Variants in CCNY observed in about 807,000 individuals in gnomAD.
CCNY encodes cyclin Y.
A neutral mutation model predicts 42.8 loss-of-function variants in CCNY; 19 were observed. That is an observed-to-expected ratio of 0.44 (90% CI 0.31 to 0.65). The LOEUF (loss-of-function observed/expected upper bound fraction) is 0.65. CCNY is among the 30% of genes least tolerant of loss of function. The pLI, the probability that CCNY is intolerant of heterozygous loss-of-function variation, is 0.07. For missense variants in CCNY, 370 were observed against 437.3 expected, an observed-to-expected ratio of 0.85 and a Z score of 1.37; for synonymous variants, 165 against 162.7, an observed-to-expected ratio of 1.01 and a Z score of -0.11.
intron 1 of CCNY, among the ~76,000 whole-genome samples, chr10:35,414,761 G>A (rs545147686): frequency 3.9e-5 from 6 of 152,270 alleles, no homozygotes; most frequent in African/African-American, 7.2e-5. Flanking sequence ...AGATTTTCAC[G>A]GTGAAGGTGA....
intron 3 of CCNY, among the ~76,000 whole-genome samples, chr10:35,260,458 A>T (rs2095718714): frequency 6.6e-6 from 1 of 152,196 alleles, no homozygotes; most frequent in Non-Finnish European, 1.5e-5. Context: ...TAGTATGTCA[A>T]ATCTGGGACC....
In CCNY at chr10:35,441,949, A is replaced by G. The variant is rs551351356; in HGVS notation, c.155-41455A>G. Among the ~76,000 whole-genome samples, 20 of 152,376 alleles carry G rather than the reference A, an allele frequency of 1.3e-4. No homozygotes were observed. The South Asian group carries it at 3.9e-3, about 30-fold the overall frequency. On this transcript the variant is annotated intron_variant, in intron 1 of 9. Coordinates refer to ENST00000374704, the MANE Select transcript of CCNY (RefSeq NM_145012.6). ...ATTTAAAATGATCATACTTAAGAGAATACCCATTGTTGTAAAGTCTGTATG... is the reference window on the plus strand; with the variant it reads ...ATTTAAAATGATCATACTTAAGAGAGTACCCATTGTTGTAAAGTCTGTATG...
chr10:35,435,858 A>T lies in CCNY; in HGVS notation c.155-47546A>T, dbSNP rs115869371. 5.4e-3 allele frequency among the ~76,000 whole-genome samples: 826 copies of T among 152,324 alleles called. 10 individuals are homozygous for T. The highest frequency in any genetic ancestry group is 0.019 in the African/African-American group (784 of 41,562). On this transcript the variant is annotated intron_variant, in intron 1 of 9. Coordinates refer to ENST00000374704, the MANE Select transcript of CCNY (RefSeq NM_145012.6). ...TTAAATGGGAGAACATCTGGCACAG[A>T]TAATGGCTAAGATGTTTAAGTTCCT...
chr10:35,453,828 A>G (rs1838972078), intron 1 of CCNY, among the ~76,000 whole-genome samples: 1 of 152,180 alleles, frequency 6.6e-6, no homozygotes, highest in Non-Finnish European at 1.5e-5. Flanking sequence ...CAATTTTTAA[A>G]CTAAGACCTA....
chr10:35,527,646 A>G (rs138704380), intron 5 of CCNY, among the ~76,000 whole-genome samples: 3 of 152,366 alleles, frequency 2.0e-5, no homozygotes, highest in Non-Finnish European at 2.9e-5. Context: ...CCATTAATCT[A>G]TTGCTCTCCT....
At chr10:35,382,683 G>A (rs1837214689) in intron 1 of CCNY, among the ~76,000 whole-genome samples, 1 of 152,096 alleles carries the variant, frequency 6.6e-6, no homozygotes, top group African/African-American at 2.4e-5. Flanking sequence ...CAGTAGTGCT[G>A]AGCTTGAGAC....
chr10:35,396,418 G>C (rs556199995), intron 1 of CCNY, among the ~76,000 whole-genome samples: 9 of 152,274 alleles, frequency 5.9e-5, no homozygotes, highest in Admixed American at 4.6e-4. Context: ...AAGGTGGGGT[G>C]GGGGGCAGCC....
intron 3 of CCNY, among the ~76,000 whole-genome samples, chr10:35,258,097 G>T (rs534624896): frequency 9.9e-5 from 15 of 152,234 alleles, no homozygotes; most frequent in Admixed American, 9.2e-4. Flanking sequence ...GGAGGCAGAG[G>T]TTGCAGTGAG....
At chr10:35,540,276 A>G (rs1409147949) in intron 7 of CCNY, among the ~76,000 whole-genome samples, 1 of 152,082 alleles carries the variant, frequency 6.6e-6, no homozygotes, top group Non-Finnish European at 1.5e-5. Context: ...TAGTGTTTTT[A>G]TTTTGAAAGG....
At chr10:35,533,501 A>T (rs1194309840) in intron 7 of CCNY, among the ~76,000 whole-genome samples, 1 of 151,992 alleles carries the variant, frequency 6.6e-6, no homozygotes, top group Non-Finnish European at 1.5e-5. Context: ...CTGCCTCGGG[A>T]CTTCTGCACC....
chr10:35,522,635 G>C lies in CCNY; in HGVS notation c.366-3329G>C, dbSNP rs548837327. ...CAGCTACTCCAAAACTAAAGAGGGT[G>C]AGGATTGTGCATCCTACACAGAACC... On this transcript the variant is annotated intron_variant, in intron 4 of 9. Coordinates refer to ENST00000374704, the MANE Select transcript of CCNY (RefSeq NM_145012.6). Among the ~76,000 whole-genome samples, 56 of 152,296 alleles carry C rather than the reference G, an allele frequency of 3.7e-4. 1 individual carries two copies. The highest frequency in any genetic ancestry group is 1.5e-5 in the Non-Finnish European group (1 of 68,028).
rs1313614760 is a variant in CCNY at position 35,479,527 on chromosome 10, A to G, written c.155-3877A>G. On this transcript the variant is annotated intron_variant, in intron 1 of 9. Coordinates refer to ENST00000374704, the MANE Select transcript of CCNY (RefSeq NM_145012.6). Reference sequence around the variant, plus strand: ...AAGAACAAAAAACCAAACACCGCATATTCTCACTCATAGGTGGGAATTGAA... The same window carrying G: ...AAGAACAAAAAACCAAACACCGCATGTTCTCACTCATAGGTGGGAATTGAA... Among the ~76,000 whole-genome samples, 8 of 138,100 alleles carry G rather than the reference A, an allele frequency of 5.8e-5. No individual in the cohort carries two copies. The South Asian group carries it at 1.7e-3, about 28-fold the overall frequency. The allele number at this position is 138,100 out of a possible 152,430, so 90.6% of individuals were successfully genotyped here. A position where few individuals can be genotyped will look rare whatever the true frequency, so the allele number is the denominator to read the frequency against.
intron 3 of CCNY, among the ~76,000 whole-genome samples, chr10:35,307,394 T>A (rs1448868223): frequency 6.6e-6 from 1 of 152,046 alleles, no homozygotes; most frequent in African/African-American, 2.4e-5. Flanking sequence ...AAGAATGAAA[T>A]GTTTCAGCAT....
chr10:35,536,022 G>A (rs567529364), intron 7 of CCNY, among the ~76,000 whole-genome samples: 2 of 152,176 alleles, frequency 1.3e-5, no homozygotes, highest in African/African-American at 4.8e-5. Context: ...GATAAGATTT[G>A]TATAAGTTTG....
At chr10:35,325,710 C>G (rs1176968654) in intron 3 of CCNY, among the ~76,000 whole-genome samples, 2 of 149,288 alleles carry the variant, frequency 1.3e-5, no homozygotes, top group Non-Finnish European at 3.0e-5. Flanking sequence ...CTCAGGTGAT[C>G]CACCCGCCTC....
chr10:35,349,966 C>T (rs1836392515), intron 1 of CCNY, among the ~76,000 whole-genome samples: 1 of 152,198 alleles, frequency 6.6e-6, no homozygotes, highest in African/African-American at 2.4e-5. Context: ...GCACACATCA[C>T]GGCCTCAGGG....
chr10:35,453,783 C>A (rs1176404448), intron 1 of CCNY, among the ~76,000 whole-genome samples: 3 of 151,920 alleles, frequency 2.0e-5, no homozygotes, highest in Non-Finnish European at 4.4e-5. Context: ...TTCTAGTAAC[C>A]ATATTGATGT....
intron 1 of CCNY, among the ~76,000 whole-genome samples, chr10:35,366,935 TTGAA>T (rs1836821781): frequency 6.6e-6 from 1 of 152,212 alleles, no homozygotes; most frequent in Non-Finnish European, 1.5e-5. Context: ...TGCTAATTCC[TTGAA>T]TGGTCTACCT....
At chr10:35,343,223 A>G (rs989327267) in intron 1 of CCNY, among the ~76,000 whole-genome samples, 1 of 151,194 alleles carries the variant, frequency 6.6e-6, no homozygotes, top group Admixed American at 6.6e-5. Flanking sequence ...AGGCTGGTCC[A>G]TATGATCCAC....
Sources: allele counts gnomAD v4.1 joint callset (sites outside exome capture counted in the v4.1 genomes callset), GRCh38; gene constraint gnomAD v4.1.1; transcripts MANE v1.5; gene names NCBI Gene and HGNC (gene_info 2026-07-23, HGNC 2026-07-21).